The following CATSPERT variants were observed in gnomAD, a reference collection of about 807,000 sequenced individuals.
The protein encoded by CATSPERT is cation channel sperm-associated targeting subunit tau.
the CATSPERT span, among the ~76,000 whole-genome samples, chr2:201,595,479 C>T: frequency 4.6e-5 from 7 of 152,226 alleles, no homozygotes; most frequent in South Asian, 4.2e-4. Context: ...TGAGCCACCG[C>T]GCCCGGCCTG....
the CATSPERT span, chr2:201,582,103 C>T: frequency 6.2e-7 from 1 of 1,601,874 alleles, no homozygotes; most frequent in Admixed American, 1.8e-5. Flanking sequence ...ACCTGAATTA[C>T]CTCATAAAGA....
the CATSPERT span, among the ~76,000 whole-genome samples, chr2:201,516,402 T>C: frequency 6.6e-6 from 1 of 152,148 alleles, no homozygotes; most frequent in Non-Finnish European, 1.5e-5. Context: ...GCACCTTCTT[T>C]ACAAGGCAGC....
the CATSPERT span, chr2:201,554,784 C>T: frequency 6.6e-6 from 1 of 152,094 alleles, no homozygotes; most frequent in Non-Finnish European, 1.5e-5. Context: ...AATTATTATT[C>T]TCTGATAAGG....
chr2:201,573,074 C>T, the CATSPERT span, among the ~76,000 whole-genome samples: 1 of 152,178 alleles, frequency 6.6e-6, no homozygotes, highest in Non-Finnish European at 1.5e-5. Context: ...AAACTGGTGA[C>T]ACCCAGGAAT....
the CATSPERT span, among the ~76,000 whole-genome samples, chr2:201,525,535 G>A: frequency 6.6e-6 from 1 of 151,834 alleles, no homozygotes; most frequent in African/African-American, 2.4e-5. Context: ...TAATGTCACA[G>A]GAAGCAGAAT....
the CATSPERT span, among the ~76,000 whole-genome samples, chr2:201,488,759 T>C: frequency 6.6e-6 from 1 of 152,164 alleles, no homozygotes; most frequent in Admixed American, 6.5e-5. Context: ...GCAGGACTAA[T>C]AAGAATTAGG....
chr2:201,506,928 C>A, the CATSPERT span, among the ~76,000 whole-genome samples: 1 of 152,162 alleles, frequency 6.6e-6, no homozygotes, highest in Admixed American at 6.5e-5. Flanking sequence ...GCTTTCCTAC[C>A]TCATGCATTG....
chr2:201,563,291 G>T, the CATSPERT span, among the ~76,000 whole-genome samples: 23 of 142,932 alleles, frequency 1.6e-4, no homozygotes, highest in Non-Finnish European at 1.6e-5. Context: ...CTCACCTCCC[G>T]GACGGGGCGG....
the CATSPERT span, chr2:201,537,496 TA>T: frequency 1.3e-6 from 2 of 1,555,996 alleles, no homozygotes; most frequent in South Asian, 2.4e-5. Context: ...AAACAATTAA[TA>T]GGGGTATTTT....
chr2:201,502,680 T>A, the CATSPERT span, among the ~76,000 whole-genome samples: 1 of 152,224 alleles, frequency 6.6e-6, no homozygotes. Context: ...GGTTTCTCTT[T>A]ATCATTGATT....
chr2:201,575,398 G>T, the CATSPERT span: 1 of 1,253,590 alleles, frequency 8.0e-7, no homozygotes, highest in Non-Finnish European at 1.1e-6. Flanking sequence ...GAAACCAAGG[G>T]TCCCCAACCC....
chr2:201,600,472 A>G, the CATSPERT span, among the ~76,000 whole-genome samples: 1 of 152,140 alleles, frequency 6.6e-6, no homozygotes, highest in Non-Finnish European at 1.5e-5. Flanking sequence ...GCATTAGGAG[A>G]AATACCTAAT....
the CATSPERT span, among the ~76,000 whole-genome samples, chr2:201,531,425 A>G: frequency 3.9e-5 from 6 of 152,172 alleles, no homozygotes; most frequent in African/African-American, 1.4e-4. Flanking sequence ...ACAGTGGTAA[A>G]TAAGACTAAA....
chr2:201,596,637 C>T, the CATSPERT span, among the ~76,000 whole-genome samples: 14 of 152,336 alleles, frequency 9.2e-5, no homozygotes, highest in African/African-American at 2.6e-4. Flanking sequence ...AATTGAGTGA[C>T]AGTATCCCAC....
the CATSPERT span, chr2:201,491,218 T>C: frequency 9.1e-6 from 14 of 1,537,516 alleles, 1 homozygote; most frequent in Non-Finnish European, 1.2e-5. Flanking sequence ...TGGAACAGAC[T>C]TCTTTAGGTG....
chr2:201,507,049 G>A, the CATSPERT span, among the ~76,000 whole-genome samples: 1 of 152,108 alleles, frequency 6.6e-6, no homozygotes, highest in African/African-American at 2.4e-5. Flanking sequence ...ATTAGAAAAA[G>A]AAACAACAGG....
At chr2:201,552,072 T>A in the CATSPERT span, among the ~76,000 whole-genome samples, 1 of 151,402 alleles carries the variant, frequency 6.6e-6, no homozygotes. Context: ...CCCCGTGTGA[T>A]CTCGGCTCCA....
the CATSPERT span, among the ~76,000 whole-genome samples, chr2:201,605,784 G>A: frequency 3.9e-5 from 6 of 152,260 alleles, no homozygotes; most frequent in East Asian, 1.2e-3. Context: ...CAAGCATTTG[G>A]AGATGTTTTT....
At chr2:201,574,716 T>C in the CATSPERT span, among the ~76,000 whole-genome samples, 1 of 152,078 alleles carries the variant, frequency 6.6e-6, no homozygotes, top group Admixed American at 6.5e-5. Context: ...GAAACCCAGG[T>C]TGATAAAGGA....
Sources: allele counts gnomAD v4.1 joint callset (sites outside exome capture counted in the v4.1 genomes callset), GRCh38; gene constraint gnomAD v4.1.1; transcripts MANE v1.5; gene names NCBI Gene and HGNC (gene_info 2026-07-23, HGNC 2026-07-21).